SPMIP2: variants seen among roughly 807,000 people sequenced by gnomAD.
The protein encoded by SPMIP2 is sperm microtubule inner protein 2.
chr4:158,928,966 C>T, the SPMIP2 span, among the ~76,000 whole-genome samples: 4 of 152,204 alleles, frequency 2.6e-5, no homozygotes, highest in East Asian at 7.7e-4. Flanking sequence ...AAGGAACAAA[C>T]TCCAGACGCG....
At chr4:159,023,190 T>C in the SPMIP2 span, among the ~76,000 whole-genome samples, 102 of 152,308 alleles carry the variant, frequency 6.7e-4, no homozygotes, top group Non-Finnish European at 1.3e-4. Context: ...TTCCAGAAGA[T>C]ATTAACATTT....
At chr4:158,992,027 G>A in the SPMIP2 span, among the ~76,000 whole-genome samples, 1 of 152,056 alleles carries the variant, frequency 6.6e-6, no homozygotes, top group African/African-American at 2.4e-5. Flanking sequence ...GAGTAGCTAG[G>A]ATTACAGGTG....
At chr4:158,989,463 C>T in the SPMIP2 span, among the ~76,000 whole-genome samples, 1 of 152,158 alleles carries the variant, frequency 6.6e-6, no homozygotes, top group Admixed American at 6.5e-5. Context: ...AGGCATCATG[C>T]TACCTGATGT....
the SPMIP2 span, among the ~76,000 whole-genome samples, chr4:159,018,624 T>G: frequency 6.6e-6 from 1 of 152,226 alleles, no homozygotes; most frequent in South Asian, 2.1e-4. Flanking sequence ...TGTATTAATT[T>G]TTTTGTCCCT....
chr4:159,001,162 T>A, the SPMIP2 span, among the ~76,000 whole-genome samples: 6 of 152,314 alleles, frequency 3.9e-5, no homozygotes, highest in South Asian at 6.2e-4. Context: ...TTGCCAACAC[T>A]TGGTCTTCTT....
the SPMIP2 span, chr4:158,904,542 T>C: frequency 7.4e-6 from 12 of 1,612,348 alleles, no homozygotes; most frequent in South Asian, 3.3e-5. Context: ...AATACTCTTA[T>C]AAGCTAAAGC....
At chr4:158,932,158 C>T in the SPMIP2 span, among the ~76,000 whole-genome samples, 2 of 152,054 alleles carry the variant, frequency 1.3e-5, no homozygotes, top group African/African-American at 4.8e-5. Flanking sequence ...AATAATACAT[C>T]TGTTTATGCA....
At chr4:158,967,306 T>A in the SPMIP2 span, among the ~76,000 whole-genome samples, 1 of 152,300 alleles carries the variant, frequency 6.6e-6, no homozygotes, top group African/African-American at 2.4e-5. Flanking sequence ...TAGACAATAT[T>A]TCTCCCGCCT....
At chr4:159,005,386 G>A in the SPMIP2 span, among the ~76,000 whole-genome samples, 1 of 152,154 alleles carries the variant, frequency 6.6e-6, no homozygotes, top group African/African-American at 2.4e-5. Flanking sequence ...AGAAGTTGCA[G>A]TGAGCCGAGA....
the SPMIP2 span, among the ~76,000 whole-genome samples, chr4:159,004,289 C>CCTTTT: frequency 2.5e-5 from 2 of 78,930 alleles, no homozygotes; most frequent in Admixed American, 2.0e-4. Context: ...ACTCTGTGCT[C>CCTTTT]TTTTTTTTTT....
the SPMIP2 span, among the ~76,000 whole-genome samples, chr4:159,018,845 C>T: frequency 1.4e-4 from 21 of 152,262 alleles, no homozygotes; most frequent in African/African-American, 4.8e-4. Flanking sequence ...AATCCCAGCA[C>T]TTTGGGAGGC....
chr4:159,080,025 A>G, the SPMIP2 span, among the ~76,000 whole-genome samples: 1 of 150,964 alleles, frequency 6.6e-6, no homozygotes, highest in African/African-American at 2.5e-5. Flanking sequence ...TTATCAAATA[A>G]TCAAATAATA....
the SPMIP2 span, among the ~76,000 whole-genome samples, chr4:158,969,897 A>C: frequency 6.6e-5 from 10 of 152,200 alleles, no homozygotes; most frequent in Non-Finnish European, 4.4e-5. Flanking sequence ...GTTAGACTAA[A>C]ACAAGAAGTG....
chr4:159,003,707 TC>T, the SPMIP2 span, among the ~76,000 whole-genome samples: 1 of 152,206 alleles, frequency 6.6e-6, no homozygotes, highest in Non-Finnish European at 1.5e-5. Context: ...AGACATTTTT[TC>T]TTCCACAAAA....
chr4:158,990,514 T>C, the SPMIP2 span, among the ~76,000 whole-genome samples: 3 of 152,280 alleles, frequency 2.0e-5, no homozygotes, highest in Admixed American at 1.3e-4. Flanking sequence ...AAAGACTGGA[T>C]AAAGAAAATG....
the SPMIP2 span, among the ~76,000 whole-genome samples, chr4:158,963,155 G>C: frequency 6.6e-6 from 1 of 151,912 alleles, no homozygotes; most frequent in African/African-American, 2.4e-5. Context: ...ATCCATGCAG[G>C]CAGGAAAATA....
At chr4:158,913,073 T>C in the SPMIP2 span, among the ~76,000 whole-genome samples, 2 of 152,170 alleles carry the variant, frequency 1.3e-5, no homozygotes, top group African/African-American at 2.4e-5. Context: ...AAAGTGTCCA[T>C]GTTATAAAAG....
the SPMIP2 span, among the ~76,000 whole-genome samples, chr4:158,943,858 C>CTTTTCTT: frequency 2.0e-5 from 2 of 101,934 alleles, no homozygotes; most frequent in South Asian, 3.5e-4. Flanking sequence ...TTGACATTTT[C>CTTTTCTT]TTTTTTTTTT....
the SPMIP2 span, among the ~76,000 whole-genome samples, chr4:158,981,806 C>CAAAAAAAAAAAA: frequency 1.3e-5 from 1 of 77,304 alleles, no homozygotes; most frequent in Non-Finnish European, 2.4e-5. Context: ...AACTAATGGG[C>CAAAAAAAAAAAA]AAAAAAAAAA....
Sources: gnomAD v4.1 joint callset for allele counts (sites outside exome capture counted in the v4.1 genomes callset) on GRCh38, gnomAD v4.1.1 for gene constraint, MANE v1.5 for transcripts, NCBI Gene and HGNC (gene_info 2026-07-23, HGNC 2026-07-21) for gene names.